The following GPHN variants were observed in gnomAD, a reference collection of about 807,000 sequenced individuals.
GPHN encodes gephyrin.
In GPHN, 17 loss-of-function variants were observed where a neutral mutation model predicts 95.5. That is an observed-to-expected ratio of 0.18 (90% CI 0.12 to 0.27). The LOEUF (loss-of-function observed/expected upper bound fraction) is 0.27, where lower values mean the gene tolerates loss of function less well. GPHN is among the 10% of genes least tolerant of loss of function. The probability of loss-of-function intolerance (pLI) is 1.00; values close to 1 mark genes in which losing one functional copy is unlikely to be tolerated. For synonymous variants in GPHN, 320 were observed against 322.5 expected, an observed-to-expected ratio of 0.99 and a Z score of 0.08; for missense variants, 660 against 978.1, an observed-to-expected ratio of 0.67 and a Z score of 4.34.
At chr14:67,456,331 GGCTC>G in the GPHN span, among the ~76,000 whole-genome samples, 1 of 152,216 alleles carries the variant, frequency 6.6e-6, no homozygotes, top group East Asian at 1.9e-4. Context: ...CAGGCACGGT[GGCTC>G]ACGCCTGAAA....
chr14:66,803,502 C>T lies in GPHN; in HGVS notation c.202-20972C>T, dbSNP rs187588848. Among the ~76,000 whole-genome samples the T allele has an allele frequency of 3.4e-4, 51 of 152,194 alleles. 3 individuals carry two copies. The highest frequency in any genetic ancestry group is 3.1e-3 in the Admixed American group (47 of 15,294). ...CAATTGGTGGAGCTTTTTGTTCCAC[C>T]ATCTCACTCCACCCCTCTCTTCAGT... is the stretch of plus-strand genomic sequence containing the variant. On this transcript the variant is annotated intron_variant, in intron 3 of 22. Coordinates refer to ENST00000478722, the MANE Select transcript of GPHN (RefSeq NM_020806.5).
At chr14:67,515,809 A>G in the GPHN span, among the ~76,000 whole-genome samples, 1 of 143,610 alleles carries the variant, frequency 7.0e-6, no homozygotes, top group Non-Finnish European at 1.5e-5. Flanking sequence ...GTGGTGTGGC[A>G]GACCCACTAT....
At chr14:67,151,260 A>G (rs1595394128) in intron 18 of GPHN, among the ~76,000 whole-genome samples, 1 of 152,214 alleles carries the variant, frequency 6.6e-6, no homozygotes, top group African/African-American at 2.4e-5. Context: ...CAGAACCATA[A>G]ATATTCATCA....
At chr14:66,964,703 T>C (rs779637330) in intron 8 of GPHN, among the ~76,000 whole-genome samples, 1 of 152,138 alleles carries the variant, frequency 6.6e-6, no homozygotes, top group Non-Finnish European at 1.5e-5. Flanking sequence ...AAATGCCAGA[T>C]CTTACCCTAT....
chr14:67,641,960 G>A, the GPHN span, among the ~76,000 whole-genome samples: 31 of 151,692 alleles, frequency 2.0e-4, no homozygotes, highest in Admixed American at 6.6e-4. Flanking sequence ...TTTTTTTATT[G>A]TTGGGTTAAG....
At chr14:67,175,805 G>A (rs1480844295) in intron 21 of GPHN, among the ~76,000 whole-genome samples, 1 of 152,176 alleles carries the variant, frequency 6.6e-6, no homozygotes, top group Non-Finnish European at 1.5e-5. Flanking sequence ...TCCCTTGTAA[G>A]TTGGATTCCT....
intron 2 of GPHN, among the ~76,000 whole-genome samples, chr14:66,697,857 T>C (rs1393243778): frequency 6.6e-6 from 1 of 151,944 alleles, no homozygotes; most frequent in African/African-American, 2.4e-5. Context: ...CTGGCTACTT[T>C]TTACAATTAT....
intron 2 of GPHN, among the ~76,000 whole-genome samples, chr14:66,715,029 G>C (rs903122722): frequency 6.6e-6 from 1 of 152,052 alleles, no homozygotes; most frequent in Non-Finnish European, 1.5e-5. Context: ...TCTCTATCTT[G>C]TGGAATAGTA....
chr14:67,627,932 T>C, the GPHN span, among the ~76,000 whole-genome samples: 2 of 152,128 alleles, frequency 1.3e-5, no homozygotes, highest in Admixed American at 6.5e-5. Flanking sequence ...CTGGGTTCTT[T>C]GACTTCTAAA....
chr14:66,920,241 G>A (rs931682662), intron 6 of GPHN, among the ~76,000 whole-genome samples: 2 of 152,288 alleles, frequency 1.3e-5, no homozygotes, highest in South Asian at 4.1e-4. Context: ...TTTAAGAGTT[G>A]TAGAAATAAC....
At chr14:66,856,214 A>C (rs1278608493) in intron 4 of GPHN, among the ~76,000 whole-genome samples, 1 of 152,130 alleles carries the variant, frequency 6.6e-6, no homozygotes, top group African/African-American at 2.4e-5. Context: ...TGCCATATGG[A>C]AGTTAAGATG....
chr14:67,496,391 G>GTTTTTTTT, the GPHN span, among the ~76,000 whole-genome samples: 1,023 of 30,112 alleles, frequency 0.034, 415 homozygotes, highest in East Asian at 0.071. Flanking sequence ...CTGCTCCGGC[G>GTTTTTTTT]TTTTTTTTTT....
At chr14:66,988,632 G>A (rs556584530) in intron 9 of GPHN, among the ~76,000 whole-genome samples, 18 of 152,092 alleles carry the variant, frequency 1.2e-4, no homozygotes, top group African/African-American at 3.6e-4. Context: ...AAATACTTGA[G>A]CTAAAGTCTA....
chr14:67,010,647 T>A (rs1486022232), intron 9 of GPHN, among the ~76,000 whole-genome samples: 3 of 152,060 alleles, frequency 2.0e-5, no homozygotes, highest in African/African-American at 4.8e-5. Context: ...GAAAATTTTT[T>A]AAAATTTTTC....
At chr14:67,077,135 GGTTTT>G (rs754935542) in intron 11 of GPHN, among the ~76,000 whole-genome samples, 44 of 152,092 alleles carry the variant, frequency 2.9e-4, no homozygotes, top group East Asian at 5.8e-4. Context: ...TTGACTTGTG[GGTTTT>G]GTTTTGTTTT....
chr14:67,063,389 T>A (rs536751073), intron 11 of GPHN, among the ~76,000 whole-genome samples: 17 of 152,340 alleles, frequency 1.1e-4, no homozygotes, highest in Non-Finnish European at 1.5e-5. Flanking sequence ...TTGTTATTTT[T>A]GCTTAGGATT....
At chr14:67,718,945 A>C in the GPHN span, among the ~76,000 whole-genome samples, 1 of 152,248 alleles carries the variant, frequency 6.6e-6, no homozygotes, top group African/African-American at 2.4e-5. Flanking sequence ...AACAGAAATT[A>C]AGGCCATTGG....
Position 66,770,858 on chromosome 14 carries a change from A to C in GPHN, c.144-5606A>C, listed in dbSNP as rs2059140947. ...TGTTCTTAATCTATTACTGTTAATA[A>C]TTAAGTAAAGTTTATCATAGGTGTG... On this transcript the variant is annotated intron_variant, in intron 2 of 22. Transcript: ENST00000478722. 2.3e-5 allele frequency among the ~76,000 whole-genome samples: 3 copies of C among 127,908 alleles called. No individual in the cohort carries two copies. In the South Asian group the frequency reaches 7.1e-4, roughly 30 times the overall value. 83.9% of individuals were successfully genotyped at this position (127,908 alleles called of 152,430 possible).
the GPHN span, among the ~76,000 whole-genome samples, chr14:67,417,743 TG>T: frequency 6.6e-6 from 1 of 150,704 alleles, no homozygotes; most frequent in South Asian, 2.1e-4. Flanking sequence ...TTGGATTTTT[TG>T]TTGCTGCTTT....
Sources: gnomAD v4.1 joint callset for allele counts (sites outside exome capture counted in the v4.1 genomes callset) on GRCh38, gnomAD v4.1.1 for gene constraint, MANE v1.5 for transcripts, NCBI Gene and HGNC (gene_info 2026-07-23, HGNC 2026-07-21) for gene names.